TADA2A: variants seen among roughly 807,000 people sequenced by gnomAD.
TADA2A encodes the protein transcriptional adaptor 2A.
A neutral mutation model predicts 67.4 loss-of-function variants in TADA2A; 38 were observed. The observed-to-expected ratio is 0.56, with a 90% CI of 0.44 to 0.74. The LOEUF (loss-of-function observed/expected upper bound fraction) is 0.74, where lower values mean the gene tolerates loss of function less well. Among genes scored for constraint, TADA2A ranks in the 30% least tolerant of loss-of-function variants. The probability of loss-of-function intolerance (pLI) is 0.00; values close to 1 mark genes in which losing one functional copy is unlikely to be tolerated. For missense variants in TADA2A, 454 were observed against 547.0 expected (o/e 0.83, Z 1.70); for synonymous variants, 192 against 181.6 (o/e 1.06, Z -0.46).
At chr17:37,422,487 T>G (rs1211931594) in intron 2 of TADA2A, among the ~76,000 whole-genome samples, 6,530 of 85,764 alleles carry the variant, frequency 0.076, 187 homozygotes, top group Non-Finnish European at 0.078. Flanking sequence ...AGCTGATTAT[T>G]ATTATTATTA....
chr17:37,408,189 C>G (rs1013090263), intron 1 of TADA2A, among the ~76,000 whole-genome samples: 6 of 151,818 alleles, frequency 4.0e-5, no homozygotes, highest in African/African-American at 1.5e-4. Flanking sequence ...ACCCGGCCTC[C>G]TACTGTGCTT....
chr17:37,472,063 G>A lies in TADA2A; in HGVS notation c.1072+926G>A, dbSNP rs756223564. 3.4e-4 allele frequency among the ~76,000 whole-genome samples: 51 copies of A among 151,020 alleles called. 1 individual carries two copies. The highest frequency in any genetic ancestry group is 2.9e-3 in the Admixed American group (44 of 15,150). On this transcript the variant is annotated intron_variant, in intron 14 of 15. Transcript: ENST00000615182. ...GAATCTGGGTCTCAGATTTGTCCGC[G>A]TTAGGGACTTTTTTTTTTTTGAGAT...
chr17:37,454,122 G>A (rs913420706), intron 8 of TADA2A: 1 of 151,940 alleles, frequency 6.6e-6, no homozygotes, highest in African/African-American at 2.4e-5. Context: ...ACAAAGGTTG[G>A]TATGTTATTA....
chr17:37,407,210 G>T (rs1390620353), intron 1 of TADA2A: 2 of 152,050 alleles, frequency 1.3e-5, no homozygotes, highest in African/African-American at 2.4e-5. Context: ...GTGCCCCAGT[G>T]CCCCGGCCTC....
rs532035542 is a variant in TADA2A, at chr17:37,439,277, T to C, written c.285-1228T>C. On this transcript the variant is annotated intron_variant, in intron 5 of 15. Transcript: ENST00000615182. ...CCACCATACTCAGCTAATTTTTAAA[T>C]TTTATTATTATTATTATTATTTGGA... Among the ~76,000 whole-genome samples, 3 of 152,016 alleles carry C rather than the reference T, an allele frequency of 2.0e-5. No individual in the cohort carries two copies. In the East Asian group the frequency reaches 5.8e-4, roughly 29 times the overall value.
At chr17:37,460,050 G>GGTGA (rs1332684318) in intron 9 of TADA2A, among the ~76,000 whole-genome samples, 2 of 150,912 alleles carry the variant, frequency 1.3e-5, no homozygotes, top group Non-Finnish European at 3.0e-5. Flanking sequence ...TGGGCGACAG[G>GGTGA]GTGAGACTCC....
chr17:37,471,952 A>G (rs1279068239), intron 14 of TADA2A, among the ~76,000 whole-genome samples: 1 of 152,184 alleles, frequency 6.6e-6, no homozygotes, highest in Non-Finnish European at 1.5e-5. Flanking sequence ...TATACAGAGC[A>G]AGATTAAGCC....
At chr17:37,439,999 A>G (rs1422974708) in intron 5 of TADA2A, among the ~76,000 whole-genome samples, 1 of 148,458 alleles carries the variant, frequency 6.7e-6, no homozygotes. Flanking sequence ...ACTGGAGTGC[A>G]ATGGCGTGAT....
At chr17:37,474,910 C>T (rs1461605998) in intron 15 of TADA2A, among the ~76,000 whole-genome samples, 1 of 152,086 alleles carries the variant, frequency 6.6e-6, no homozygotes, top group Non-Finnish European at 1.5e-5. Flanking sequence ...GAGCACTTAC[C>T]ATGTGCTACT....
At chr17:37,458,667 GTGTGTGTCTGTGTC>G in intron 9 of TADA2A, 80 bp downstream of exon 9, 2 of 1,158,358 alleles carry the variant, frequency 1.7e-6, no homozygotes, top group East Asian at 3.0e-5. Flanking sequence ...GTGTGTGTGT[GTGTGTGTCTGTGTC>G]TGTGTCTGTG....
intron 2 of TADA2A, among the ~76,000 whole-genome samples, chr17:37,420,529 A>C (rs1338225042): frequency 6.9e-6 from 1 of 144,868 alleles, no homozygotes; most frequent in East Asian, 2.2e-4. Flanking sequence ...AGTAGCTGAG[A>C]TTACAGGTGC....
At chr17:37,458,930 A>T (rs2053475710) in intron 9 of TADA2A, among the ~76,000 whole-genome samples, 1 of 151,868 alleles carries the variant, frequency 6.6e-6, no homozygotes, top group Non-Finnish European at 1.5e-5. Context: ...CTCCCTCCTC[A>T]GCTCCCAAAG....
chr17:37,440,437 C>T (rs1324732345), intron 5 of TADA2A, 68 bp from the exon 6 acceptor site: 15 of 1,544,820 alleles, frequency 9.7e-6, no homozygotes, highest in Non-Finnish European at 3.5e-6. Context: ...ATGAAAAGAG[C>T]AAATGATGCT....
intron 4 of TADA2A, among the ~76,000 whole-genome samples, chr17:37,435,915 A>G (rs1458182427): frequency 2.6e-5 from 4 of 151,442 alleles, no homozygotes; most frequent in East Asian, 1.9e-4. Flanking sequence ...GGGTTTCACT[A>G]TGTTGCCCAG....
At position 37,436,501 on chromosome 17, in the gene TADA2A, G is replaced by C. The variant is rs1272335834; in HGVS notation, c.193-1237G>C. 3 of 152,300 alleles carry C rather than the reference G, an allele frequency of 2.0e-5. No homozygotes were observed. The East Asian group carries it at 5.8e-4, about 29-fold the overall frequency. The allele number at this position is 152,300 out of a possible 1,614,324, so 9.4% of individuals were successfully genotyped here. On this transcript the variant is annotated intron_variant, in intron 4 of 15. Coordinates refer to ENST00000615182, the MANE Select transcript of TADA2A (RefSeq NM_001166105.3). ...AGCCTCCCGAGTAGCTGGGACTACA[G>C]GTGCGTGCCACCATGTCCGGCTAAT...
At chr17:37,474,720 T>C (rs1178655728) in intron 15 of TADA2A, 91 bp downstream of exon 15, 1 of 1,363,618 alleles carries the variant, frequency 7.3e-7, no homozygotes, top group Non-Finnish European at 1.0e-6. Flanking sequence ...TCAAACCCCT[T>C]TTGTTTCATT....
At chr17:37,409,575 T>G (rs948069021) in intron 1 of TADA2A, among the ~76,000 whole-genome samples, 8 of 151,908 alleles carry the variant, frequency 5.3e-5, no homozygotes, top group Non-Finnish European at 1.2e-4. Flanking sequence ...GAGACCAGCC[T>G]GGCCAACATG....
In TADA2A at chr17:37,470,546, C is replaced by A; in HGVS notation, c.1028+14C>A. On this transcript the variant is annotated intron_variant, in intron 13 of 15. Transcript: ENST00000615182. Reference sequence around the variant, plus strand: ...GCAAGCTGACATGTGAGTAATTACTCCAGGGTGAAGGAGGCATTCTTTCTG... The same window carrying A: ...GCAAGCTGACATGTGAGTAATTACTACAGGGTGAAGGAGGCATTCTTTCTG... 6.5e-7 allele frequency: 1 copy of A among 1,531,922 alleles called. No individual in the cohort carries two copies. 94.9% of individuals were successfully genotyped at this position (1,531,922 alleles called of 1,614,324 possible). A position where few individuals can be genotyped will look rare whatever the true frequency, so the allele number is the denominator to read the frequency against.
rs1448311968 is a variant in TADA2A at position 37,439,940 on chromosome 17, TTATTA to T, written c.285-563_285-559del. Among the ~76,000 whole-genome samples, 417 of 58,956 alleles carry T rather than the reference TTATTA, an allele frequency of 7.1e-3. 3 individuals carry two copies. Among genetic ancestry groups the T allele is most frequent in the African/African-American group, 0.025 (324 of 12,722 alleles). The allele number at this position is 58,956 out of a possible 152,430, so 38.7% of individuals were successfully genotyped here. On this transcript the variant is annotated intron_variant, in intron 5 of 15. Transcript: ENST00000615182. ...TTTATTTATTTATTTATTTATTTATTTATTATTTTTTTTTTTTTTTGAGATGGAGT... is the reference window on the plus strand; with the variant it reads ...TTTATTTATTTATTTATTTATTTATTTTTTTTTTTTTTTTTGAGATGGAGT...
Sources: gnomAD v4.1 joint callset for allele counts (sites outside exome capture counted in the v4.1 genomes callset) on GRCh38, gnomAD v4.1.1 for gene constraint, MANE v1.5 for transcripts, NCBI Gene and HGNC (gene_info 2026-07-23, HGNC 2026-07-21) for gene names.